WDR72: variants seen among roughly 807,000 people sequenced by gnomAD.
WDR72 encodes the protein WD repeat-containing protein 72.
Under a neutral mutation model 124.2 loss-of-function variants are expected in WDR72, and 120 were observed. That is an observed-to-expected ratio of 0.97 (90% CI 0.83 to 1.12). The LOEUF (loss-of-function observed/expected upper bound fraction) is 1.12, where lower values mean the gene tolerates loss of function less well. WDR72 is among the 50% of genes most tolerant of loss of function. The pLI is 0.00. For missense variants in WDR72, 1,387 were observed against 1,278.8 expected, an observed-to-expected ratio of 1.08 and a Z score of -1.29; for synonymous variants, 452 against 441.7, an observed-to-expected ratio of 1.02 and a Z score of -0.29.
intron 7 of WDR72, 115 bp from the exon 8 acceptor site, chr15:53,711,596 A>G: frequency 9.3e-7 from 1 of 1,070,628 alleles, no homozygotes; most frequent in Non-Finnish European, 1.4e-6. Flanking sequence ...ATAACAGACC[A>G]TACTGTACTC....
rs1567064242 is a variant in WDR72, at chr15:53,751,986, CAGA to C, written c.-13+7644_-13+7646del. Among the ~76,000 whole-genome samples, 11 of 152,264 alleles carry C rather than the reference CAGA, an allele frequency of 7.2e-5. No homozygotes were observed. The South Asian group carries it at 2.3e-3, about 32-fold the overall frequency. The stretch of plus-strand genomic sequence containing the variant: ...TTCAATAAATATTAGACTCTATTAT[CAGA>C]AGGTTTTTCAAATCTCAAAATCTGT... On this transcript the variant is annotated intron_variant, in intron 1 of 19. Coordinates refer to ENST00000360509, the MANE Select transcript of WDR72 (RefSeq NM_182758.4).
chr15:53,615,823 C>T lies in WDR72; in HGVS notation c.2383G>A (p.Ala795Thr), dbSNP rs147252875. 3.7e-5 allele frequency: 60 copies of T among 1,613,560 alleles called. No homozygotes were observed. The African/African-American group carries it at 8.0e-4, about 22-fold the overall frequency. ...KVDASLTIDT[A>T]KLFLSCLLPW... ...AAAAGGCAAGACAGAAACAATTTTGCTGTGTCTATTGTGAGACTGGCATCT... is the reference window on the plus strand; with the variant it reads ...AAAAGGCAAGACAGAAACAATTTTGTTGTGTCTATTGTGAGACTGGCATCT... Residue 795 changes from alanine (A) to threonine (T), a missense_variant, in exon 15 of 20, where the codon GCA (alanine) becomes ACA (threonine). By Grantham distance (58) the Ala-to-Thr change is moderately conservative. Transcript: ENST00000360509.
At chr15:53,545,499 T>C (rs916962492) in intron 18 of WDR72, among the ~76,000 whole-genome samples, 1 of 151,266 alleles carries the variant, frequency 6.6e-6, no homozygotes, top group East Asian at 1.9e-4. Flanking sequence ...TTACACCTTA[T>C]ACAAAAATCA....
intron 18 of WDR72, among the ~76,000 whole-genome samples, chr15:53,545,459 T>C (rs1228043701): frequency 6.6e-6 from 1 of 150,558 alleles, no homozygotes; most frequent in Admixed American, 6.6e-5. Flanking sequence ...TGGCTAGCCA[T>C]ATGTAGAAAG....
In WDR72 at chr15:53,523,332, G is replaced by A. The variant is rs1595726837; in HGVS notation, c.3149-10C>T. ...ACCGGGCTGACTGGAGCTATTAAAA[G>A]AGAGAGAGAGAGAGAGAGAGACAGA... On this transcript the variant is annotated splice_polypyrimidine_tract_variant and intron_variant, in intron 18 of 19. Transcript: ENST00000360509. 1 of 681,688 alleles carries A rather than the reference G, an allele frequency of 1.5e-6. No homozygotes were observed. The allele number at this position is 681,688 out of a possible 1,614,324, so 42.2% of individuals were successfully genotyped here.
chr15:53,737,599 C>A (rs1221498428), intron 1 of WDR72, among the ~76,000 whole-genome samples: 1 of 151,974 alleles, frequency 6.6e-6, no homozygotes, highest in African/African-American at 2.4e-5. Context: ...AAGTCATTCA[C>A]CAGAAAAGGA....
At chr15:53,715,632 T>C (rs988527922) in intron 4 of WDR72, among the ~76,000 whole-genome samples, 5 of 150,476 alleles carry the variant, frequency 3.3e-5, no homozygotes, top group African/African-American at 1.2e-4. Flanking sequence ...CTCACAATTA[T>C]ATTATTTCTG....
intron 18 of WDR72, among the ~76,000 whole-genome samples, chr15:53,530,200 T>C (rs62005872): frequency 0.17 from 26,004 of 150,942 alleles, 2,566 homozygotes; most frequent in Middle Eastern, 0.23. Context: ...TAAGAAACAT[T>C]ACTTCTTATT....
At position 53,615,948 on chromosome 15, in the gene WDR72, C is replaced by T. The variant is rs745736667; in HGVS notation, c.2258G>A (p.Gly753Glu). The change falls in exon 15 of 20, where the codon GGA (glycine) becomes GAA (glutamate). Residue 753 changes from glycine (G) to glutamate (E), a missense_variant. Transcript: ENST00000360509. Reference protein sequence around the residue: ...AKPITESLAQGDNTIKFSEEN... With the variant: ...AKPITESLAQEDNTIKFSEEN... ...TTCTGAGAATTTGATGGTATTATCT[C>T]CTTGGGCCAGGCTTTCAGTAATAGG... 2 of 1,613,220 alleles carry T rather than the reference C, an allele frequency of 1.2e-6. No homozygotes were observed. The highest frequency in any genetic ancestry group is 1.7e-6 in the Non-Finnish European group (2 of 1,179,642).
At chr15:53,685,201 G>A (rs1595848266) in intron 13 of WDR72, among the ~76,000 whole-genome samples, 1 of 147,120 alleles carries the variant, frequency 6.8e-6, no homozygotes, top group Non-Finnish European at 1.5e-5. Context: ...ACGGAACAAA[G>A]CTGGATGGAG....
Position 53,669,224 on chromosome 15 carries a change from C to T in WDR72, c.1766-3456G>A, listed in dbSNP as rs184066193. ...TACTCTTTGGGTAGTTTTGTAACAGCGCCTCCAGCAAGACATCTCCCTATG... is the reference window on the plus strand; with the variant it reads ...TACTCTTTGGGTAGTTTTGTAACAGTGCCTCCAGCAAGACATCTCCCTATG... On this transcript the variant is annotated intron_variant, in intron 13 of 19. Coordinates refer to ENST00000360509, the MANE Select transcript of WDR72 (RefSeq NM_182758.4). Among the ~76,000 whole-genome samples, 18 of 152,248 alleles carry T rather than the reference C, an allele frequency of 1.2e-4. No individual in the cohort carries two copies. In the South Asian group the frequency reaches 1.9e-3, roughly 16 times the overall value.
chr15:53,745,973 G>A (rs1026533505), intron 1 of WDR72, among the ~76,000 whole-genome samples: 5 of 152,182 alleles, frequency 3.3e-5, no homozygotes, highest in African/African-American at 1.2e-4. Flanking sequence ...GATTTGCGAT[G>A]TGAAATTCCT....
intron 18 of WDR72, among the ~76,000 whole-genome samples, chr15:53,592,490 T>G (rs1005364897): frequency 6.6e-6 from 1 of 152,052 alleles, no homozygotes; most frequent in Non-Finnish European, 1.5e-5. Context: ...TTGAATGGAT[T>G]TTTATTTTCT....
intron 2 of WDR72, among the ~76,000 whole-genome samples, chr15:53,729,956 G>A (rs2018153479): frequency 6.6e-6 from 1 of 152,124 alleles, no homozygotes; most frequent in Non-Finnish European, 1.5e-5. Context: ...AAAATTATGT[G>A]TCAATTAAAA....
chr15:53,687,508 C>A (rs1207113808), intron 13 of WDR72, among the ~76,000 whole-genome samples: 1 of 151,396 alleles, frequency 6.6e-6, no homozygotes, highest in African/African-American at 2.4e-5. Context: ...CAAGACTAAA[C>A]CAGGAAGAAG....
At position 53,714,463 on chromosome 15, in the gene WDR72, C is replaced by G; in HGVS notation, c.562G>C (p.Asp188His). 6.2e-7 allele frequency: 1 copy of G among 1,613,692 alleles called. No homozygotes were observed. Among genetic ancestry groups the G allele is most frequent in the Non-Finnish European group, 8.5e-7 (1 of 1,179,872 alleles). The change falls in exon 6 of 20, where the codon GAT becomes CAT. Residue 188 changes from aspartate to histidine, a missense_variant. By Grantham distance (81) the Asp-to-His change is moderately conservative (BLOSUM62 -1). Transcript: ENST00000360509. ...ATGCTGTTGATAGATGAGGAAAGAT[C>G]CCATACTTTGAGCTCACCAGCTACT... Reference protein sequence around the residue: ...VSVAGELKVWDLSSSINSIQE... With the variant: ...VSVAGELKVWHLSSSINSIQE...
chr15:53,709,424 G>C (rs1345476708), intron 9 of WDR72, among the ~76,000 whole-genome samples: 2 of 152,166 alleles, frequency 1.3e-5, no homozygotes, highest in Non-Finnish European at 2.9e-5. Flanking sequence ...ACAAAGCAAG[G>C]TAACTTCCCA....
intron 14 of WDR72, among the ~76,000 whole-genome samples, chr15:53,657,263 C>CAAAAAAAAAAAAAAAAAAAAAAAAAA (rs10549551): frequency 1.8e-5 from 1 of 56,400 alleles, no homozygotes; most frequent in Admixed American, 3.1e-4. Context: ...GACTCCATCT[C>CAAAAAAAAAAAAAAAAAAAAAAAAAA]AAAAAAAAAA....
intron 1 of WDR72, among the ~76,000 whole-genome samples, chr15:53,754,616 C>G (rs1353336484): frequency 6.6e-6 from 1 of 152,020 alleles, no homozygotes; most frequent in African/African-American, 2.4e-5. Flanking sequence ...TGTATAAGAG[C>G]CTGAGAGGCC....
Sources: gnomAD v4.1 joint callset for allele counts (sites outside exome capture counted in the v4.1 genomes callset) on GRCh38, gnomAD v4.1.1 for gene constraint, MANE v1.5 for transcripts, NCBI Gene and HGNC (gene_info 2026-07-23, HGNC 2026-07-21) for gene names.